The following IMMP2L variants were observed in gnomAD, a reference collection of about 807,000 sequenced individuals.
The protein encoded by IMMP2L is inner mitochondrial membrane peptidase subunit 2, also known as mitochondrial inner membrane protease subunit 2.
In IMMP2L, 18 loss-of-function variants were observed where a neutral mutation model predicts 19.3. The ratio of observed to expected loss-of-function variants is 0.93; its 90% CI spans 0.64 to 1.38. The LOEUF is 1.38. Among genes scored for constraint, IMMP2L ranks in the 40% most tolerant of loss-of-function variants. IMMP2L has a pLI of 0.00. For missense variants in IMMP2L, 233 were observed against 218.2 expected (o/e 1.07, Z -0.43); for synonymous variants, 76 against 73.0 (o/e 1.04, Z -0.21).
intron 4 of IMMP2L, among the ~76,000 whole-genome samples, chr7:110,902,985 GGGAACAT>G (rs370674957): frequency 2.6e-5 from 4 of 151,406 alleles, no homozygotes; most frequent in African/African-American, 9.7e-5. Flanking sequence ...GTAGGCAATG[GGGAACAT>G]CTGAAGGGTG....
At chr7:111,381,456 A>G (rs1831195783) in intron 3 of IMMP2L, among the ~76,000 whole-genome samples, 1 of 152,054 alleles carries the variant, frequency 6.6e-6, no homozygotes, top group South Asian at 2.1e-4. Flanking sequence ...CTATATTATT[A>G]TAATCAATAC....
chr7:111,184,682 G>T (rs1166709868), intron 3 of IMMP2L, among the ~76,000 whole-genome samples: 4 of 151,982 alleles, frequency 2.6e-5, no homozygotes, highest in Non-Finnish European at 4.4e-5. Flanking sequence ...ACAGAAACCT[G>T]ACTTCTGTTG....
chr7:111,317,371 G>C (rs1362715591), intron 3 of IMMP2L, among the ~76,000 whole-genome samples: 3 of 151,994 alleles, frequency 2.0e-5, no homozygotes, highest in Non-Finnish European at 4.4e-5. Flanking sequence ...AGAAACAAAG[G>C]ATTTTGCCAA....
rs533943854 is a variant in IMMP2L at position 110,857,223 on chromosome 7, T to C, written c.408+29370A>G. On this transcript the variant is annotated intron_variant, in intron 5 of 5. Coordinates refer to ENST00000405709, the MANE Select transcript of IMMP2L (RefSeq NM_032549.4). ...AAGTACTGGAGCAAACTCAAAATTC[T>C]TTCTTGGGGAATATCTGGTCTTGAT... Among the ~76,000 whole-genome samples the C allele has an allele frequency of 1.7e-3, 264 of 152,248 alleles. 1 individual carries two copies. The highest frequency in any genetic ancestry group is 5.9e-3 in the African/African-American group (245 of 41,578).
intron 5 of IMMP2L, among the ~76,000 whole-genome samples, chr7:110,839,066 G>A (rs1031128479): frequency 2.0e-5 from 3 of 151,972 alleles, no homozygotes; most frequent in African/African-American, 7.2e-5. Context: ...ACAAATTTCA[G>A]TGCTATTGTT....
intron 3 of IMMP2L, among the ~76,000 whole-genome samples, chr7:111,069,211 T>TGCTGGGCATGAAGAA (rs1794753503): frequency 6.6e-6 from 1 of 152,172 alleles, no homozygotes; most frequent in African/African-American, 2.4e-5. Context: ...TGGTGATGAC[T>TGCTGGGCATGAAGAA]GCTGGGCATG....
chr7:111,266,667 A>C (rs564839642), intron 3 of IMMP2L, among the ~76,000 whole-genome samples: 58 of 152,240 alleles, frequency 3.8e-4, no homozygotes, highest in African/African-American at 1.3e-3. Context: ...TTGAGGCCTA[A>C]CTGAACTTAC....
chr7:111,302,937 A>T (rs1482267577), intron 3 of IMMP2L, among the ~76,000 whole-genome samples: 1 of 152,112 alleles, frequency 6.6e-6, no homozygotes, highest in Admixed American at 6.6e-5. Flanking sequence ...AACCTCCAAT[A>T]CTGAAGTCAC....
intron 3 of IMMP2L, among the ~76,000 whole-genome samples, chr7:111,214,743 C>CTA (rs1430452350): frequency 6.6e-6 from 1 of 150,436 alleles, no homozygotes; most frequent in Non-Finnish European, 1.5e-5. Context: ...TAAACAAACT[C>CTA]TAGTACATAC....
At chr7:111,450,920 A>T (rs914141121) in intron 3 of IMMP2L, among the ~76,000 whole-genome samples, 1 of 151,920 alleles carries the variant, frequency 6.6e-6, no homozygotes, top group Non-Finnish European at 1.5e-5. Flanking sequence ...GGCACTTCTC[A>T]AAAGAAGACA....
At chr7:111,498,787 AAT>A (rs1459317779) in intron 2 of IMMP2L, among the ~76,000 whole-genome samples, 2 of 152,120 alleles carry the variant, frequency 1.3e-5, no homozygotes, top group Non-Finnish European at 1.5e-5. Flanking sequence ...TAAGGAAAAA[AAT>A]AAAAAAGAAC....
chr7:111,534,568 A>C (rs1315251043), intron 1 of IMMP2L, among the ~76,000 whole-genome samples: 1 of 152,182 alleles, frequency 6.6e-6, no homozygotes, highest in East Asian at 1.9e-4. Flanking sequence ...CATATTACTT[A>C]AATCTTCAGT....
chr7:110,911,382 G>T (rs1299909528), intron 4 of IMMP2L, among the ~76,000 whole-genome samples: 1 of 152,066 alleles, frequency 6.6e-6, no homozygotes, highest in African/African-American at 2.4e-5. Context: ...CCCTCCAAGG[G>T]TTTCTAAATA....
chr7:111,290,782 CTCTG>C (rs1679908511), intron 3 of IMMP2L, among the ~76,000 whole-genome samples: 2 of 150,708 alleles, frequency 1.3e-5, no homozygotes, highest in South Asian at 2.1e-4. Context: ...CTATTTAATA[CTCTG>C]TCTCTCTTTC....
At chr7:111,281,217 A>C (rs1819806664) in intron 3 of IMMP2L, among the ~76,000 whole-genome samples, 6 of 26,528 alleles carry the variant, frequency 2.3e-4, no homozygotes, top group Admixed American at 1.3e-3. Flanking sequence ...AAAGAAAGAA[A>C]AAGAAAGAAA....
At chr7:111,228,966 C>CGT (rs10530563) in intron 3 of IMMP2L, among the ~76,000 whole-genome samples, 6,074 of 143,976 alleles carry the variant, frequency 0.042, 137 homozygotes, top group Middle Eastern at 0.079. Context: ...ACTAGCAATG[C>CGT]GTGTGTGTGT....
intron 3 of IMMP2L, among the ~76,000 whole-genome samples, chr7:111,146,445 A>T (rs1422987652): frequency 6.6e-6 from 1 of 152,132 alleles, no homozygotes; most frequent in African/African-American, 2.4e-5. Flanking sequence ...ACTTATAGGG[A>T]GTACAGAAAT....
At chr7:111,243,637 G>C (rs1454372247) in intron 3 of IMMP2L, among the ~76,000 whole-genome samples, 2 of 116,378 alleles carry the variant, frequency 1.7e-5, no homozygotes, top group Non-Finnish European at 3.5e-5. Flanking sequence ...TCTAGCATTA[G>C]GTATATCTCC....
chr7:110,665,979 T>C (rs1160554092), intron 5 of IMMP2L, among the ~76,000 whole-genome samples: 1 of 152,198 alleles, frequency 6.6e-6, no homozygotes, highest in African/African-American at 2.4e-5. Context: ...TAGTTGGCAT[T>C]GTTCTCTTAA....
Sources: allele counts gnomAD v4.1 joint callset (sites outside exome capture counted in the v4.1 genomes callset), GRCh38; gene constraint gnomAD v4.1.1; transcripts MANE v1.5; gene names NCBI Gene and HGNC (gene_info 2026-07-23, HGNC 2026-07-21).